The following ANO2 variants were observed in gnomAD, a reference collection of about 807,000 sequenced individuals.
ANO2 encodes anoctamin 2.
ANO2 carries 101 observed loss-of-function variants against 124.2 expected under a neutral mutation model. The ratio of observed to expected loss-of-function variants is 0.81; its 90% CI spans 0.69 to 0.96. The LOEUF (loss-of-function observed/expected upper bound fraction) is 0.96. Among genes scored for constraint, ANO2 ranks in the 40% least tolerant of loss-of-function variants. The pLI is 0.00. For missense variants in ANO2, 1,293 were observed against 1,274.5 expected (o/e 1.01, Z -0.22); for synonymous variants, 486 against 482.5 (o/e 1.01, Z -0.09).
chr12:5,745,579 C>G (rs1951241875), intron 11 of ANO2, among the ~76,000 whole-genome samples: 1 of 152,196 alleles, frequency 6.6e-6, no homozygotes, highest in South Asian at 2.1e-4. Flanking sequence ...GTCTCTTTCC[C>G]CCTTCATTAA....
At chr12:5,806,776 A>G (rs1241073598) in intron 8 of ANO2, among the ~76,000 whole-genome samples, 2 of 152,230 alleles carry the variant, frequency 1.3e-5, no homozygotes, top group African/African-American at 4.8e-5. Context: ...AGGAATTCTG[A>G]GAGATTTTCT....
intron 16 of ANO2, among the ~76,000 whole-genome samples, chr12:5,620,593 T>C (rs1945067653): frequency 6.6e-6 from 1 of 152,270 alleles, no homozygotes; most frequent in South Asian, 2.1e-4. Flanking sequence ...GAATTGGAAT[T>C]CTACAGGAGT....
At chr12:5,732,652 G>A in intron 13 of ANO2, 22 bp from the exon 14 acceptor site, 1 of 1,601,704 alleles carries the variant, frequency 6.2e-7, no homozygotes, top group East Asian at 2.2e-5. Context: ...AGCAGTGAGT[G>A]GTTAGTAAAC....
intron 14 of ANO2, among the ~76,000 whole-genome samples, chr12:5,730,555 T>C (rs555867964): frequency 3.3e-5 from 5 of 152,316 alleles, no homozygotes; most frequent in Non-Finnish European, 7.4e-5. Flanking sequence ...CAGCTAGAAT[T>C]TGATTCTTTA....
intron 20 of ANO2, among the ~76,000 whole-genome samples, chr12:5,583,093 A>C (rs1488501934): frequency 6.6e-6 from 1 of 152,218 alleles, no homozygotes; most frequent in Non-Finnish European, 1.5e-5. Context: ...CACATAGCAG[A>C]TGCTCAAAGA....
At chr12:5,683,956 G>A (rs143641671) in intron 14 of ANO2, among the ~76,000 whole-genome samples, 10 of 152,206 alleles carry the variant, frequency 6.6e-5, no homozygotes, top group Admixed American at 6.5e-4. Context: ...TACTCCATTT[G>A]GGTCCTTCCT....
intron 16 of ANO2, among the ~76,000 whole-genome samples, chr12:5,631,919 C>T (rs529824506): frequency 3.0e-4 from 46 of 152,072 alleles, no homozygotes; most frequent in African/African-American, 1.0e-3. Context: ...ACCCACTGTT[C>T]GGGAAAGGTT....
At chr12:5,657,549 G>A (rs1373725888) in intron 14 of ANO2, among the ~76,000 whole-genome samples, 1 of 151,712 alleles carries the variant, frequency 6.6e-6, no homozygotes, top group African/African-American at 2.4e-5. Flanking sequence ...ACCCAGGTTG[G>A]AGTGCAGTAT....
intron 14 of ANO2, among the ~76,000 whole-genome samples, chr12:5,672,029 C>A (rs1301054682): frequency 6.6e-6 from 1 of 152,118 alleles, no homozygotes; most frequent in Non-Finnish European, 1.5e-5. Flanking sequence ...CATGGTGATC[C>A]CTAGGTTCTC....
chr12:5,887,796 G>A (rs1322026187), intron 3 of ANO2, among the ~76,000 whole-genome samples: 1 of 151,598 alleles, frequency 6.6e-6, no homozygotes, highest in Admixed American at 6.6e-5. Flanking sequence ...CCTCACATAA[G>A]CTCTATGGGG....
At chr12:5,599,404 T>A (rs1943817372) in intron 20 of ANO2, 80 bp downstream of exon 20, 4 of 1,463,556 alleles carry the variant, frequency 2.7e-6, no homozygotes, top group Admixed American at 4.8e-5. Flanking sequence ...TTTTCCCCAA[T>A]CCCCTACCTT....
In ANO2 at chr12:5,925,800, A is replaced by G. The variant is rs1942054029; in HGVS notation, c.23-2996T>C. 6.6e-6 allele frequency among the ~76,000 whole-genome samples: 1 copy of G among 152,192 alleles called. No individual in the cohort carries two copies. Among genetic ancestry groups the G allele is most frequent in the Admixed American group, 6.5e-5 (1 of 15,284 alleles). ...ACTGCAATGCCGTGAGGGTGGGGGCATGGCTTACCCACGTCTGGGTTGAGG... is the reference window on the plus strand; with the variant it reads ...ACTGCAATGCCGTGAGGGTGGGGGCGTGGCTTACCCACGTCTGGGTTGAGG... On this transcript the variant is annotated intron_variant, in intron 1 of 24. Transcript: ENST00000682330. This position sits in a 1 kb window ranked among gnomAD's most constrained non-coding sequence, Gnocchi z 4.6.
chr12:5,718,282 T>A (rs1355702949), intron 14 of ANO2, among the ~76,000 whole-genome samples: 1 of 152,256 alleles, frequency 6.6e-6, no homozygotes, highest in Admixed American at 6.5e-5. Flanking sequence ...ATCTTTTAGA[T>A]GTGGTGCCTC....
intron 5 of ANO2, among the ~76,000 whole-genome samples, chr12:5,832,044 G>A (rs1954169000): frequency 6.6e-6 from 1 of 152,132 alleles, no homozygotes; most frequent in African/African-American, 2.4e-5. Context: ...AAACCCAGAA[G>A]CTTCATCCAC....
intron 14 of ANO2, among the ~76,000 whole-genome samples, chr12:5,695,145 G>A (rs1311188939): frequency 2.0e-5 from 3 of 152,098 alleles, no homozygotes; most frequent in African/African-American, 4.8e-5. Context: ...GAAGAAAAAG[G>A]AAATGGTCCT....
intron 5 of ANO2, among the ~76,000 whole-genome samples, chr12:5,831,142 G>A (rs1954138348): frequency 6.6e-6 from 1 of 152,206 alleles, no homozygotes; most frequent in African/African-American, 2.4e-5. Flanking sequence ...AGCTGTGCTA[G>A]AGGATGCACT....
chr12:5,739,335 A>G lies in ANO2; in HGVS notation c.1416T>C (p.Thr472=). ...AACTCACTTCTTCCTCTTCTATGCC[A>G]GTCAGGTCCCAAAAGTAGCCCAGTC... ...QMRLGYFWDL[T]GIEEEEEHSR... is the part of the protein sequence containing the mutation. The change falls in exon 13 of 25, where the codon ACT becomes ACC. Residue 472 remains threonine, a synonymous_variant. Transcript: ENST00000682330. 1 of 1,605,614 alleles carries G rather than the reference A, an allele frequency of 6.2e-7. No homozygotes were observed. The highest frequency in any genetic ancestry group is 8.5e-7 in the Non-Finnish European group (1 of 1,176,012).
chr12:5,857,152 A>G (rs1473293774), intron 3 of ANO2, among the ~76,000 whole-genome samples: 1 of 152,240 alleles, frequency 6.6e-6, no homozygotes, highest in East Asian at 1.9e-4. Flanking sequence ...CTGAAGGTTA[A>G]CATGTATTGA....
At chr12:5,830,655 C>T (rs898827515) in intron 5 of ANO2, among the ~76,000 whole-genome samples, 166 bp from the exon 6 acceptor site, 6 of 152,076 alleles carry the variant, frequency 3.9e-5, no homozygotes, top group Admixed American at 2.6e-4. Flanking sequence ...ATTCTAAAAA[C>T]GTATTCTAGA....
Sources: allele counts gnomAD v4.1 joint callset (sites outside exome capture counted in the v4.1 genomes callset), GRCh38; gene constraint gnomAD v4.1.1; non-coding constraint Gnocchi (gnomAD v3.1); transcripts MANE v1.5; gene names NCBI Gene and HGNC (gene_info 2026-07-23, HGNC 2026-07-21).